Variants in SCAI observed in about 807,000 individuals in gnomAD.
SCAI encodes protein SCAI.
Under a neutral mutation model 92.2 loss-of-function variants are expected in SCAI, and 24 were observed. The ratio of observed to expected loss-of-function variants is 0.26; its 90% confidence interval spans 0.19 to 0.37. The LOEUF (loss-of-function observed/expected upper bound fraction) is 0.37. Ranked by LOEUF, SCAI falls within the 10% of genes least tolerant of loss-of-function variation. The probability of loss-of-function intolerance (pLI) is 1.00; values close to 1 mark genes in which losing one functional copy is unlikely to be tolerated. For missense variants in SCAI, 450 were observed against 736.2 expected (o/e 0.61, Z 4.50); for synonymous variants, 261 against 258.6 (o/e 1.01, Z -0.09).
chr9:124,975,940 A>C (rs889897327), intron 15 of SCAI, among the ~76,000 whole-genome samples, 174 bp downstream of exon 15: 1 of 152,146 alleles, frequency 6.6e-6, no homozygotes, highest in African/African-American at 2.4e-5. Flanking sequence ...ACATTAAGGG[A>C]TCCTGGTTGT....
intron 3 of SCAI, among the ~76,000 whole-genome samples, chr9:125,049,329 T>G (rs1367895059): frequency 6.6e-6 from 1 of 152,218 alleles, no homozygotes; most frequent in African/African-American, 2.4e-5. Context: ...GACACAGCTG[T>G]GTTTCTCAAA....
At chr9:125,052,674 T>C (rs1170836574) in intron 3 of SCAI, among the ~76,000 whole-genome samples, 1 of 151,990 alleles carries the variant, frequency 6.6e-6, no homozygotes, top group Non-Finnish European at 1.5e-5. Flanking sequence ...TAAGAGAATA[T>C]ATATTTGCAA....
chr9:125,047,876 T>TA (rs1833478325), intron 3 of SCAI, among the ~76,000 whole-genome samples: 2 of 152,246 alleles, frequency 1.3e-5, no homozygotes, highest in Admixed American at 1.3e-4. Context: ...CAAATATTAT[T>TA]AAAATTAATT....
intron 2 of SCAI, among the ~76,000 whole-genome samples, chr9:125,101,606 C>A (rs1346625165): frequency 1.3e-5 from 2 of 152,098 alleles, no homozygotes; most frequent in Non-Finnish European, 2.9e-5. Flanking sequence ...GACATCTGAG[C>A]AAAAATGCAG....
intron 2 of SCAI, among the ~76,000 whole-genome samples, chr9:125,116,789 ATTG>A (rs1835054629): frequency 6.6e-6 from 1 of 152,110 alleles, no homozygotes; most frequent in Non-Finnish European, 1.5e-5. Context: ...TGAAAAAATC[ATTG>A]TTTTCTCTTG....
At chr9:124,994,117 C>G (rs1282983276) in intron 14 of SCAI, among the ~76,000 whole-genome samples, 1 of 151,782 alleles carries the variant, frequency 6.6e-6, no homozygotes, top group South Asian at 2.1e-4. Context: ...TCACCACAAC[C>G]TCTACCTCCC....
At chr9:125,132,767 G>C (rs1483190476) in intron 2 of SCAI, among the ~76,000 whole-genome samples, 23 of 152,132 alleles carry the variant, frequency 1.5e-4, no homozygotes, top group Non-Finnish European at 4.4e-5. Context: ...AGGAGTTCAA[G>C]AGCAGCCTGA....
chr9:125,089,008 T>A (rs2131192582), intron 2 of SCAI, among the ~76,000 whole-genome samples: 1 of 152,268 alleles, frequency 6.6e-6, no homozygotes. Flanking sequence ...GCCAAATGTG[T>A]CTTGGGAGGC....
At chr9:125,137,946 T>C (rs933759065) in intron 2 of SCAI, among the ~76,000 whole-genome samples, 2 of 152,162 alleles carry the variant, frequency 1.3e-5, no homozygotes, top group Non-Finnish European at 2.9e-5. Context: ...AGAGATACCA[T>C]GAATCTGAAA....
At chr9:125,093,101 C>T (rs1452840082) in intron 2 of SCAI, among the ~76,000 whole-genome samples, 1 of 152,240 alleles carries the variant, frequency 6.6e-6, no homozygotes, top group East Asian at 1.9e-4. Flanking sequence ...TGGCTCATGC[C>T]TATAATCCCA....
chr9:125,067,294 G>A (rs959379489), intron 2 of SCAI, among the ~76,000 whole-genome samples: 14 of 152,316 alleles, frequency 9.2e-5, no homozygotes, highest in African/African-American at 2.4e-4. Context: ...GGAAATAGGG[G>A]TTTTGCAGAT....
intron 3 of SCAI, among the ~76,000 whole-genome samples, chr9:125,041,532 T>C (rs1423657893): frequency 2.6e-5 from 4 of 152,180 alleles, no homozygotes; most frequent in Non-Finnish European, 4.4e-5. Flanking sequence ...ACTGATAAAA[T>C]TAATAAATCT....
At chr9:125,102,580 C>A (rs1165743931) in intron 2 of SCAI, among the ~76,000 whole-genome samples, 1 of 150,104 alleles carries the variant, frequency 6.7e-6, no homozygotes, top group Non-Finnish European at 1.5e-5. Context: ...TTTTCTCTTA[C>A]CAAAATGAAA....
At chr9:125,072,079 A>T (rs2131163991) in intron 2 of SCAI, among the ~76,000 whole-genome samples, 1 of 150,390 alleles carries the variant, frequency 6.6e-6, no homozygotes, top group East Asian at 1.9e-4. Flanking sequence ...GCTGGAGTGC[A>T]GTGGTGCAAT....
chr9:125,032,195 A>ATATATATATTTTT lies in SCAI; in HGVS notation c.231-2457_231-2456insAAAAATATATATA, dbSNP rs1177865840. On this transcript the variant is annotated intron_variant, in intron 3 of 17. Coordinates refer to ENST00000336505, the MANE Select transcript of SCAI (RefSeq NM_001144877.3). The stretch of plus-strand genomic sequence containing the variant: ...AATATATATATATATATATATATAT[A>ATATATATATTTTT]TTTTTTTTTTTTTTTGAGATGGAGT... 1.3e-4 allele frequency among the ~76,000 whole-genome samples: 13 copies of ATATATATATTTTT among 99,442 alleles called. No homozygotes were observed. In the East Asian group the frequency reaches 2.6e-3, roughly 20 times the overall value. The allele number at this position is 99,442 out of a possible 152,430, so 65.2% of individuals were successfully genotyped here.
chr9:125,115,830 A>G (rs1402420162), intron 2 of SCAI, among the ~76,000 whole-genome samples: 1 of 152,188 alleles, frequency 6.6e-6, no homozygotes, highest in East Asian at 1.9e-4. Flanking sequence ...ATTTCAAGGT[A>G]TTGACAGTAC....
intron 2 of SCAI, among the ~76,000 whole-genome samples, chr9:125,121,461 A>C (rs940924281): frequency 6.6e-6 from 1 of 152,028 alleles, no homozygotes; most frequent in African/African-American, 2.4e-5. Flanking sequence ...CTTAAGCCAA[A>C]GTCCTTTTCC....
Position 124,948,798 on chromosome 9 carries a change from T to C in SCAI, c.*4009A>G, listed in dbSNP as rs1327932278. 1 of 152,224 alleles carries C rather than the reference T, an allele frequency of 6.6e-6. No homozygotes were observed. Among genetic ancestry groups the C allele is most frequent in the Non-Finnish European group, 1.5e-5 (1 of 68,036 alleles). The allele number at this position is 152,224 out of a possible 1,614,324, so 9.4% of individuals were successfully genotyped here. A position where few individuals can be genotyped will look rare whatever the true frequency, so the allele number is the denominator to read the frequency against. ...GACTATCAGAATCTCCAGGGACAGTTTGTGCAATTTGAAAACAAAGGAGTG... is the reference window on the plus strand; with the variant it reads ...GACTATCAGAATCTCCAGGGACAGTCTGTGCAATTTGAAAACAAAGGAGTG... On this transcript the variant is annotated 3_prime_UTR_variant, in exon 18 of 18. Coordinates refer to ENST00000336505, the MANE Select transcript of SCAI (RefSeq NM_001144877.3).
At chr9:125,143,237 C>A (rs1216907511) in intron 1 of SCAI, 148 bp downstream of exon 1, 3 of 467,312 alleles carry the variant, frequency 6.4e-6, no homozygotes, top group Non-Finnish European at 1.0e-5. Flanking sequence ...CCGCCGCCTG[C>A]AGGCGCCCCC....
Sources: allele counts gnomAD v4.1 joint callset (sites outside exome capture counted in the v4.1 genomes callset), GRCh38; gene constraint gnomAD v4.1.1; transcripts MANE v1.5; gene names NCBI Gene and HGNC (gene_info 2026-07-23, HGNC 2026-07-21).